CABP5: variants seen among roughly 807,000 people sequenced by gnomAD.
The protein encoded by CABP5 is calcium-binding protein 5.
In CABP5, 17 loss-of-function variants were observed where a neutral mutation model predicts 21.9. That is an observed-to-expected ratio of 0.78 (90% CI 0.53 to 1.17). CABP5 has a LOEUF of 1.17. Ranked by LOEUF, CABP5 falls within the 50% of genes most tolerant of loss-of-function variation. The probability of loss-of-function intolerance (pLI) is 0.00; values close to 1 mark genes in which losing one functional copy is unlikely to be tolerated. For missense variants in CABP5, 229 were observed against 228.9 expected (o/e 1.00, Z 0.00); for synonymous variants, 85 against 79.4 (o/e 1.07, Z -0.37).
chr19:48,030,664 G>A lies in CABP5; in HGVS notation c.497-82C>T. Reference sequence around the variant, plus strand: ...TTATTTTTTGAGCCCTTCCTATGTGGCAGGCACTGCTGGTGATCCCTGGGA... The same window carrying A: ...TTATTTTTTGAGCCCTTCCTATGTGACAGGCACTGCTGGTGATCCCTGGGA... On this transcript the variant is annotated intron_variant, in intron 5 of 5. Transcript: ENST00000293255. 4.5e-6 allele frequency: 6 copies of A among 1,323,454 alleles called. No individual in the cohort carries two copies. The South Asian group carries it at 7.3e-5, about 16-fold the overall frequency. The allele number at this position is 1,323,454 out of a possible 1,614,324, so 82.0% of individuals were successfully genotyped here.
At chr19:48,032,850 C>T (rs140507582) in intron 5 of CABP5, among the ~76,000 whole-genome samples, 152 of 151,960 alleles carry the variant, frequency 1.0e-3, no homozygotes, top group African/African-American at 3.6e-3. Context: ...CCCCTGGTCT[C>T]GAACTCCTGA....
chr19:48,038,059 G>A (rs958635686), intron 4 of CABP5, among the ~76,000 whole-genome samples: 48 of 152,154 alleles, frequency 3.2e-4, no homozygotes, highest in African/African-American at 1.0e-3. Flanking sequence ...GATTACAGGC[G>A]CCCACCACCA....
At position 48,041,788 on chromosome 19, in the gene CABP5, AC is replaced by A. The variant is rs1568414758; in HGVS notation, c.64-186del. ...CCTGTTCCACAGTTCTTGGCTCCCC[AC>A]CCCCCTCTCGATGTCTCTCTCCCAC... On this transcript the variant is annotated intron_variant, in intron 1 of 5. Transcript: ENST00000293255. 4.8e-5 allele frequency among the ~76,000 whole-genome samples: 7 copies of A among 145,428 alleles called. 1 individual carries two copies. In the South Asian group the frequency reaches 1.4e-3, roughly 28 times the overall value.
Position 48,030,317 on chromosome 19 carries a change from A to G in CABP5, c.*240T>C, listed in dbSNP as rs913591891. 5 of 462,264 alleles carry G rather than the reference A, an allele frequency of 1.1e-5. No individual in the cohort carries two copies. The highest frequency in any genetic ancestry group is 1.9e-5 in the Non-Finnish European group (5 of 262,350). The allele number at this position is 462,264 out of a possible 1,614,324, so 28.6% of individuals were successfully genotyped here. On this transcript the variant is annotated 3_prime_UTR_variant, in exon 6 of 6. Transcript: ENST00000293255. ...TTGGGGGTGGCAACTGGACCCTCCC[A>G]CGCTTCCTATTTCCATCCACAGACT...
intron 5 of CABP5, among the ~76,000 whole-genome samples, chr19:48,032,493 C>A (rs544972567): frequency 2.0e-5 from 3 of 151,834 alleles, no homozygotes; most frequent in East Asian, 3.9e-4. Context: ...CCACCCCTGG[C>A]TAACTTTTTG....
rs1292704529 is a variant in CABP5 at position 48,029,422 on chromosome 19, G to T, written c.*1135C>A. Reference sequence around the variant, plus strand: ...TATTTTGACTTTTATTTTAACCTTTGCATTGCTGGAGTGTCTTGCTTTGGG... The same window carrying T: ...TATTTTGACTTTTATTTTAACCTTTTCATTGCTGGAGTGTCTTGCTTTGGG... On this transcript the variant is annotated 3_prime_UTR_variant, in exon 6 of 6. Coordinates refer to ENST00000293255, the MANE Select transcript of CABP5 (RefSeq NM_019855.5). Among the ~76,000 whole-genome samples, 1 of 152,076 alleles carries T rather than the reference G, an allele frequency of 6.6e-6. No individual in the cohort carries two copies. Among genetic ancestry groups the T allele is most frequent in the Non-Finnish European group, 1.5e-5 (1 of 68,006 alleles).
Position 48,040,728 on chromosome 19 carries a change from C to A in CABP5, c.115G>T (p.Glu39Ter). The A allele has an allele frequency of 6.2e-7, 1 of 1,614,074 alleles. No homozygotes were observed. Among genetic ancestry groups the A allele is most frequent in the Middle Eastern group, 1.6e-4 (1 of 6,062 alleles). ...EIEELREAFL[E>*]FDKDRDGFIS... ...AACCCATCTCGGTCCTTATCGAACT[C>A]AAGAAATGCTTCCCGCAGCTCTGAA... is the stretch of plus-strand genomic sequence containing the variant. The change falls in exon 3 of 6, where the codon GAG becomes TAG. Residue 39 changes from glutamate to a stop codon, truncating the protein, a stop_gained. Coordinates refer to ENST00000293255, the MANE Select transcript of CABP5 (RefSeq NM_019855.5). LOFTEE classifies it high-confidence loss of function.
Position 48,032,349 on chromosome 19 carries a change from T to TC in CABP5, c.497-1768dup, listed in dbSNP as rs398121049. On this transcript the variant is annotated intron_variant, in intron 5 of 5. Coordinates refer to ENST00000293255, the MANE Select transcript of CABP5 (RefSeq NM_019855.5). ...TAATTTTGGACTTTTTTTTTTTTTT[T>TC]CTGGAGACGGAGTCTCGCTCTGTCA... 1.9e-3 allele frequency among the ~76,000 whole-genome samples: 268 copies of TC among 139,240 alleles called. 2 individuals are homozygous for TC. The highest frequency in any genetic ancestry group is 3.3e-3 in the Non-Finnish European group (202 of 61,916). The allele number at this position is 139,240 out of a possible 152,430, so 91.3% of individuals were successfully genotyped here. A position where few individuals can be genotyped will look rare whatever the true frequency, so the allele number is the denominator to read the frequency against.
chr19:48,031,972 G>A (rs1173340817), intron 5 of CABP5, among the ~76,000 whole-genome samples: 2 of 151,362 alleles, frequency 1.3e-5, no homozygotes, highest in Admixed American at 6.6e-5. Flanking sequence ...TATCTAGGAT[G>A]GAGGCCTTGG....
At chr19:48,039,425 A>C in intron 3 of CABP5, 108 bp from the exon 4 acceptor site, 1 of 805,602 alleles carries the variant, frequency 1.2e-6, no homozygotes, top group Non-Finnish European at 2.1e-6. Flanking sequence ...CTGCCCTATA[A>C]GAGCCGTCTT....
intron 4 of CABP5, among the ~76,000 whole-genome samples, chr19:48,038,065 C>T (rs938078893): frequency 3.3e-5 from 5 of 152,142 alleles, no homozygotes; most frequent in African/African-American, 9.7e-5. Flanking sequence ...AGGCGCCCAC[C>T]ACCATGTCTG....
chr19:48,032,929 C>A (rs1967359293), intron 5 of CABP5, among the ~76,000 whole-genome samples: 1 of 151,766 alleles, frequency 6.6e-6, no homozygotes, highest in Non-Finnish European at 1.5e-5. Context: ...CTGAGCCCGG[C>A]CAGAATTTTG....
rs200158927 is a variant in CABP5, at chr19:48,039,240, C to T, written c.316G>A (p.Gly106Ser). ...AAGGCATCCCGCATCTCCTGGACACCGATCATCCCAGCTGTTTCTGCAAGC... is the reference window on the plus strand; with the variant it reads ...AAGGCATCCCGCATCTCCTGGACACTGATCATCCCAGCTGTTTCTGCAAGC... ...KLLAETAGMI[G>S]VQEMRDAFKE... The change falls in exon 4 of 6, where the codon GGT becomes AGT. Residue 106 changes from glycine (G) to serine (S), a missense_variant. By Grantham distance (56) the Gly-to-Ser change is moderately conservative (BLOSUM62 0). Coordinates refer to ENST00000293255, the MANE Select transcript of CABP5 (RefSeq NM_019855.5). 2.3e-5 allele frequency: 37 copies of T among 1,614,018 alleles called. No homozygotes were observed. Among genetic ancestry groups the T allele is most frequent in the Admixed American group, 1.0e-4 (6 of 59,998 alleles).
At chr19:48,037,374 T>C (rs2122370905) in intron 4 of CABP5, among the ~76,000 whole-genome samples, 1 of 144,838 alleles carries the variant, frequency 6.9e-6, no homozygotes, top group South Asian at 2.3e-4. Context: ...GTTCAAGCGA[T>C]TCTTCTGCCT....
At position 48,034,373 on chromosome 19, in the gene CABP5, G is replaced by C. The variant is rs200560300; in HGVS notation, c.349-11C>G. ...TCCATTCGTGTCAAACTGAATAGAA[G>C]CAGAAATAGATTATATCAGCAATGA... On this transcript the variant is annotated splice_polypyrimidine_tract_variant and intron_variant, in intron 4 of 5. Transcript: ENST00000293255. 6.6e-7 allele frequency: 1 copy of C among 1,525,822 alleles called. No individual in the cohort carries two copies. Among genetic ancestry groups the C allele is most frequent in the East Asian group, 2.4e-5 (1 of 41,352 alleles). The allele number at this position is 1,525,822 out of a possible 1,614,324, so 94.5% of individuals were successfully genotyped here. A position where few individuals can be genotyped will look rare whatever the true frequency, so the allele number is the denominator to read the frequency against.
intron 2 of CABP5, among the ~76,000 whole-genome samples, 160 bp from the exon 3 acceptor site, chr19:48,040,908 G>A (rs995036965): frequency 3.3e-5 from 5 of 152,102 alleles, no homozygotes; most frequent in African/African-American, 1.2e-4. Flanking sequence ...CGGATGTGGT[G>A]GCTCATGGCT....
At chr19:48,031,852 C>T (rs1006821871) in intron 5 of CABP5, among the ~76,000 whole-genome samples, 3 of 149,890 alleles carry the variant, frequency 2.0e-5, no homozygotes, top group African/African-American at 7.4e-5. Flanking sequence ...TTGATGTCCA[C>T]TGCACACCTA....
chr19:48,029,828 G>GAC lies in CABP5; in HGVS notation c.*728_*729insGT, dbSNP rs1555737223. On this transcript the variant is annotated 3_prime_UTR_variant, in exon 6 of 6. Transcript: ENST00000293255. ...AGAGAGAGAGAGAGAGAGAGAGAGA[G>GAC]AGAGAGAGAAACCAGACAGTGCTTC... The GAC allele has an allele frequency of 5.0e-4, 76 of 150,532 alleles. 2 individuals are homozygous for GAC. The highest frequency in any genetic ancestry group is 1.9e-3 in the African/African-American group (76 of 40,406). The allele number at this position is 150,532 out of a possible 1,614,324, so 9.3% of individuals were successfully genotyped here.
Position 48,043,981 on chromosome 19 carries a change from C to A in CABP5, c.-59G>T. 3.5e-6 allele frequency: 5 copies of A among 1,435,038 alleles called. No individual in the cohort carries two copies. Among genetic ancestry groups the A allele is most frequent in the Non-Finnish European group, 4.7e-6 (5 of 1,072,686 alleles). 88.9% of individuals were successfully genotyped at this position (1,435,038 alleles called of 1,614,324 possible). A position where few individuals can be genotyped will look rare whatever the true frequency, so the allele number is the denominator to read the frequency against. On this transcript the variant is annotated 5_prime_UTR_variant, in exon 1 of 6. Transcript: ENST00000293255. ...CTCAAGATGGCCCCTCCTCCCTGCTCCCTGTCGGAGCTCAGCCTCCTTATC... is the reference window on the plus strand; with the variant it reads ...CTCAAGATGGCCCCTCCTCCCTGCTACCTGTCGGAGCTCAGCCTCCTTATC...
Sources: gnomAD v4.1 joint callset for allele counts (sites outside exome capture counted in the v4.1 genomes callset) on GRCh38, gnomAD v4.1.1 for gene constraint, MANE v1.5 for transcripts, NCBI Gene and HGNC (gene_info 2026-07-23, HGNC 2026-07-21) for gene names.